The following SEMA5A variants were observed in gnomAD, a reference collection of about 807,000 sequenced individuals.
The protein encoded by SEMA5A is semaphorin 5A.
In SEMA5A, 55 loss-of-function variants were observed where a neutral mutation model predicts 135.5. The observed-to-expected ratio is 0.41, with a 90% CI of 0.33 to 0.51. SEMA5A has a LOEUF of 0.51. Among genes scored for constraint, SEMA5A ranks in the 20% least tolerant of loss-of-function variants. SEMA5A has a pLI of 0.37. For synonymous variants in SEMA5A, 580 were observed against 546.5 expected (o/e 1.06, Z -0.85); for missense variants, 1,290 against 1,419.9 (o/e 0.91, Z 1.47).
At chr5:9,107,749 C>T (rs548332263) in intron 16 of SEMA5A, among the ~76,000 whole-genome samples, 8 of 152,046 alleles carry the variant, frequency 5.3e-5, no homozygotes, top group Non-Finnish European at 1.2e-4. Flanking sequence ...GAGTACTTGA[C>T]CATGTTGTGT....
chr5:9,082,407 G>A (rs1505063), intron 16 of SEMA5A, among the ~76,000 whole-genome samples: 105,875 of 152,018 alleles, frequency 0.7, 38,139 homozygotes, highest in East Asian at 0.93. Context: ...AGAAAGAGTT[G>A]ATTCTTCATT....
intron 1 of SEMA5A, among the ~76,000 whole-genome samples, chr5:9,488,596 A>G (rs1422743281): frequency 6.6e-6 from 1 of 152,192 alleles, no homozygotes; most frequent in Non-Finnish European, 1.5e-5. Flanking sequence ...TGCATGGGTC[A>G]TATGTCTGAC....
Position 9,182,160 on chromosome 5 carries a change from C to CCA in SEMA5A, c.1273+8106_1273+8107insTG, listed in dbSNP as rs1159671024. Among the ~76,000 whole-genome samples the CCA allele has an allele frequency of 1.7e-3, 242 of 138,558 alleles. 1 individual carries two copies. Among genetic ancestry groups the CCA allele is most frequent in the African/African-American group, 6.3e-3 (222 of 35,106 alleles). 90.9% of individuals were successfully genotyped at this position (138,558 alleles called of 152,430 possible). On this transcript the variant is annotated intron_variant, in intron 11 of 22. Coordinates refer to ENST00000382496, the MANE Select transcript of SEMA5A (RefSeq NM_003966.3). Reference sequence around the variant, plus strand: ...GTTTTATTGCTTCTGCCCCCCACCCCAAAAAAAAATACGCTTCCTGAGGAC... The same window carrying CCA: ...GTTTTATTGCTTCTGCCCCCCACCCCCAAAAAAAAAATACGCTTCCTGAGGAC...
At position 9,226,924 on chromosome 5, in the gene SEMA5A, T is replaced by G. The variant is rs2150422167; in HGVS notation, c.377A>C (p.Asp126Ala). ...NYIRVLLVGG[D>A]RLFTCGTNAF... ...ATTGGTCCCACAGGTGAATAACCGG[T>G]CGCCACCCACCAGAAGCACCCGGAT... The change falls in exon 7 of 23, where the codon GAC becomes GCC. Residue 126 changes from aspartate (D) to alanine (A), a missense_variant. Transcript: ENST00000382496. 1 of 1,581,816 alleles carries G rather than the reference T, an allele frequency of 6.3e-7. No individual in the cohort carries two copies. The highest frequency in any genetic ancestry group is 2.3e-5 in the East Asian group (1 of 43,038).
rs1037572177 is a variant in SEMA5A, at chr5:9,485,934, C to T, written c.-174-48082G>A. On this transcript the variant is annotated intron_variant, in intron 1 of 22. Transcript: ENST00000382496. Reference sequence around the variant, plus strand: ...ATCATCTAATATAAATGAAAAAGAACAGGCTGCAATGGGGAAAGCATATTT... The same window carrying T: ...ATCATCTAATATAAATGAAAAAGAATAGGCTGCAATGGGGAAAGCATATTT... Among the ~76,000 whole-genome samples, 4 of 152,204 alleles carry T rather than the reference C, an allele frequency of 2.6e-5. No individual in the cohort carries two copies. The South Asian group carries it at 6.2e-4, about 24-fold the overall frequency.
intron 1 of SEMA5A, among the ~76,000 whole-genome samples, chr5:9,492,891 G>A (rs1302433425): frequency 6.6e-6 from 1 of 152,148 alleles, no homozygotes; most frequent in Non-Finnish European, 1.5e-5. Flanking sequence ...GAGAGCACAG[G>A]GGATTTTTAG....
At chr5:9,316,953 A>T (rs1414665351) in intron 5 of SEMA5A, among the ~76,000 whole-genome samples, 1 of 151,818 alleles carries the variant, frequency 6.6e-6, no homozygotes, top group African/African-American at 2.4e-5. Context: ...TCTCCCTAAC[A>T]CCTTCCCTGA....
At chr5:9,390,135 A>G (rs1756087410) in intron 2 of SEMA5A, among the ~76,000 whole-genome samples, 1 of 152,198 alleles carries the variant, frequency 6.6e-6, no homozygotes, top group Admixed American at 6.5e-5. Context: ...CCTCTTTTAA[A>G]ATTCTCTTAA....
At chr5:9,476,934 A>G (rs531188991) in intron 1 of SEMA5A, among the ~76,000 whole-genome samples, 1 of 151,622 alleles carries the variant, frequency 6.6e-6, no homozygotes, top group African/African-American at 2.4e-5. Flanking sequence ...AAAAAAAAAT[A>G]GCCATGCATG....
Position 9,448,080 on chromosome 5 carries a change from T to C in SEMA5A, c.-174-10228A>G, listed in dbSNP as rs1354356185. ...AGATGCACTTTTGGAGGGGCCAAGA[T>C]GCTTCTTCCCTTTGCTTCCCAACAC... On this transcript the variant is annotated intron_variant, in intron 1 of 22. Coordinates refer to ENST00000382496, the MANE Select transcript of SEMA5A (RefSeq NM_003966.3). Among the ~76,000 whole-genome samples the C allele has an allele frequency of 3.3e-5, 5 of 152,194 alleles. No individual in the cohort carries two copies. The East Asian group carries it at 9.6e-4, about 29-fold the overall frequency.
Position 9,042,480 on chromosome 5 carries a change from A to ACTT in SEMA5A, c.*414_*416dup. 1 of 209,818 alleles carries ACTT rather than the reference A, an allele frequency of 4.8e-6. No individual in the cohort carries two copies. The highest frequency in any genetic ancestry group is 9.4e-6 in the Non-Finnish European group (1 of 106,644). 13.0% of individuals were successfully genotyped at this position (209,818 alleles called of 1,614,324 possible). ...TTTATGAAATATTATGGACCTATGC[A>ACTT]CTTCTTGTGGAAGGAGCAGGTCTTT... On this transcript the variant is annotated 3_prime_UTR_variant, in exon 23 of 23. Transcript: ENST00000382496.
intron 2 of SEMA5A, among the ~76,000 whole-genome samples, chr5:9,390,672 T>C (rs1344440991): frequency 6.6e-6 from 1 of 151,872 alleles, no homozygotes; most frequent in Non-Finnish European, 1.5e-5. Flanking sequence ...TTTGTCACAA[T>C]CTTTGATCTC....
At chr5:9,064,439 T>C (rs80155781) in intron 17 of SEMA5A, among the ~76,000 whole-genome samples, 1 of 152,284 alleles carries the variant, frequency 6.6e-6, no homozygotes, top group Admixed American at 6.5e-5. Flanking sequence ...GTGGCACATA[T>C]ACACCATGGA....
intron 8 of SEMA5A, among the ~76,000 whole-genome samples, chr5:9,215,630 A>C (rs13357338): frequency 0.075 from 11,341 of 152,196 alleles, 486 homozygotes; most frequent in Middle Eastern, 0.14. Context: ...TGGAGAGTGC[A>C]TGGCCATGCC....
chr5:9,355,484 CA>C (rs1044518250), intron 3 of SEMA5A, among the ~76,000 whole-genome samples: 1 of 152,156 alleles, frequency 6.6e-6, no homozygotes, highest in Admixed American at 6.5e-5. Context: ...CTGAGGATAA[CA>C]CCCGAGATTT....
At chr5:9,446,047 G>C (rs1001722631) in intron 1 of SEMA5A, among the ~76,000 whole-genome samples, 2 of 152,094 alleles carry the variant, frequency 1.3e-5, no homozygotes, top group African/African-American at 4.8e-5. Flanking sequence ...ACATAGCTCC[G>C]AGCTAAAGAA....
intron 16 of SEMA5A, among the ~76,000 whole-genome samples, chr5:9,070,099 G>C (rs1401833118): frequency 6.6e-6 from 1 of 152,152 alleles, no homozygotes; most frequent in Non-Finnish European, 1.5e-5. Flanking sequence ...GGCCATGCGT[G>C]GTGGCTCACA....
At chr5:9,329,228 C>CCT (rs5865821) in intron 4 of SEMA5A, among the ~76,000 whole-genome samples, 152,274 of 152,278 alleles carry the variant, frequency 1, 76,135 homozygotes, top group Non-Finnish European at 1. Context: ...TGCTTGTGCC[C>CCT]GTCTCACCCA....
intron 2 of SEMA5A, among the ~76,000 whole-genome samples, chr5:9,425,250 C>A (rs1177089907): frequency 6.6e-6 from 1 of 152,108 alleles, no homozygotes; most frequent in Admixed American, 6.5e-5. Flanking sequence ...TTATTGTGAA[C>A]GCAATTATTG....
Sources: gnomAD v4.1 joint callset for allele counts (sites outside exome capture counted in the v4.1 genomes callset) on GRCh38, gnomAD v4.1.1 for gene constraint, MANE v1.5 for transcripts, NCBI Gene and HGNC (gene_info 2026-07-23, HGNC 2026-07-21) for gene names.